EYS: variants seen among roughly 807,000 people sequenced by gnomAD.
EYS encodes protein eyes shut homolog.
A neutral mutation model predicts 282.1 loss-of-function variants in EYS; 250 were observed. The observed-to-expected ratio is 0.89, with a 90% CI of 0.80 to 0.98. The LOEUF is 0.98. Among genes scored for constraint, EYS ranks in the 50% least tolerant of loss-of-function variants. The pLI, the probability that EYS is intolerant of heterozygous loss-of-function variation, is 0.00. For synonymous variants in EYS, 1,355 were observed against 1,282.9 expected (o/e 1.06, Z -1.20); for missense variants, 4,016 against 3,709.0 (o/e 1.08, Z -2.15).
At chr6:64,746,275 A>G (rs1252465712) in intron 22 of EYS, among the ~76,000 whole-genome samples, 1 of 152,014 alleles carries the variant, frequency 6.6e-6, no homozygotes, top group Non-Finnish European at 1.5e-5. Flanking sequence ...ATTAATTAAT[A>G]CTATTGTCAA....
intron 13 of EYS, among the ~76,000 whole-genome samples, chr6:65,010,603 A>G (rs924312165): frequency 1.3e-5 from 2 of 152,190 alleles, no homozygotes; most frequent in African/African-American, 2.4e-5. Flanking sequence ...TAGAAAAAGG[A>G]CTTTGAAAAG....
chr6:63,944,352 C>G (rs1455767882), intron 35 of EYS, among the ~76,000 whole-genome samples: 1 of 152,122 alleles, frequency 6.6e-6, no homozygotes, highest in Non-Finnish European at 1.5e-5. Flanking sequence ...GTATCTCAAA[C>G]ATAGAGACTG....
At chr6:65,062,584 A>G (rs1036052963) in intron 12 of EYS, among the ~76,000 whole-genome samples, 1 of 151,986 alleles carries the variant, frequency 6.6e-6, no homozygotes, top group African/African-American at 2.4e-5. Flanking sequence ...CTTACCTTAT[A>G]TGATAAGGCC....
At chr6:64,429,923 C>A (rs1380162180) in intron 28 of EYS, among the ~76,000 whole-genome samples, 2 of 152,076 alleles carry the variant, frequency 1.3e-5, no homozygotes, top group Non-Finnish European at 2.9e-5. Context: ...TCATGTTTTT[C>A]TTGACACTGC....
intron 33 of EYS, among the ~76,000 whole-genome samples, chr6:64,025,241 C>T (rs893221930): frequency 3.3e-5 from 5 of 152,068 alleles, no homozygotes; most frequent in Admixed American, 6.5e-5. Context: ...GAGTTGGGAC[C>T]GTTGGTTTGC....
intron 35 of EYS, among the ~76,000 whole-genome samples, chr6:63,867,550 T>C (rs982460475): frequency 5.3e-5 from 8 of 152,202 alleles, no homozygotes; most frequent in Non-Finnish European, 1.0e-4. Context: ...GATGGATCCA[T>C]GTGCCAAGTG....
rs1052298696 is a variant in EYS, at chr6:64,657,222, T to G, written c.3444-30977A>C. ...CATTTGCTTGGTAGATCTTCCTCCA[T>G]CCCTTTATTTTGAGCCTATGTGTGT... On this transcript the variant is annotated intron_variant, in intron 22 of 42. Transcript: ENST00000503581. 9.2e-5 allele frequency among the ~76,000 whole-genome samples: 14 copies of G among 152,116 alleles called. 1 individual carries two copies. The highest frequency in any genetic ancestry group is 3.4e-4 in the African/African-American group (14 of 41,408).
intron 11 of EYS, among the ~76,000 whole-genome samples, chr6:65,325,329 A>G (rs1769589483): frequency 6.6e-6 from 1 of 152,104 alleles, no homozygotes; most frequent in Non-Finnish European, 1.5e-5. Flanking sequence ...TTTTAAATAA[A>G]TTTTTAAGCA....
chr6:64,738,142 C>A (rs1772245713), intron 22 of EYS, among the ~76,000 whole-genome samples: 1 of 152,136 alleles, frequency 6.6e-6, no homozygotes, highest in Admixed American at 6.5e-5. Context: ...TTTGTCCCCT[C>A]AAAACCTCAT....
At chr6:65,043,006 A>G (rs556516108) in intron 13 of EYS, among the ~76,000 whole-genome samples, 1 of 151,580 alleles carries the variant, frequency 6.6e-6, no homozygotes, top group African/African-American at 2.4e-5. Flanking sequence ...TGAAAATTCA[A>G]TTTCTGATTC....
chr6:63,811,542 C>T (rs547048766), intron 36 of EYS, among the ~76,000 whole-genome samples: 1 of 152,224 alleles, frequency 6.6e-6, no homozygotes, highest in African/African-American at 2.4e-5. Context: ...CTCCATCTAC[C>T]ATCATTCTGT....
chr6:64,566,523 C>T (rs16895493), intron 26 of EYS, among the ~76,000 whole-genome samples: 4,613 of 151,966 alleles, frequency 0.03, 151 homozygotes, highest in East Asian at 0.11. Context: ...GCACTTAATT[C>T]GCATTTCTTA....
chr6:63,832,329 TAAAG>T (rs1373924104), intron 36 of EYS, among the ~76,000 whole-genome samples: 1 of 151,540 alleles, frequency 6.6e-6, no homozygotes, highest in Non-Finnish European at 1.5e-5. Flanking sequence ...GCAAGACTAA[TAAAG>T]AAGAAAAGAG....
chr6:64,647,760 G>T lies in EYS; in HGVS notation c.3444-21515C>A, dbSNP rs865945249. 2.6e-5 allele frequency among the ~76,000 whole-genome samples: 4 copies of T among 152,066 alleles called. No individual in the cohort carries two copies. In the South Asian group the frequency reaches 6.2e-4, roughly 24 times the overall value. ...TTCAAACTTTTTTTCTTTACCAGAG[G>T]TTTTACTTCAAACGGCATTTGTTAT... On this transcript the variant is annotated intron_variant, in intron 22 of 42. Transcript: ENST00000503581.
rs181747242 is a variant in EYS, at chr6:65,392,383, C to A, written c.1185-7883G>T. ...AGAAACTACCATCAGAGTGAACAGG[C>A]AAGCAACAAAATGGGAGAAAATTTT... On this transcript the variant is annotated intron_variant, in intron 7 of 42. Transcript: ENST00000503581. 5.2e-3 allele frequency among the ~76,000 whole-genome samples: 787 copies of A among 152,148 alleles called. 10 individuals are homozygous for A. Among genetic ancestry groups the A allele is most frequent in the African/African-American group, 0.018 (748 of 41,514 alleles).
chr6:64,312,410 C>G (rs377147886), intron 29 of EYS, among the ~76,000 whole-genome samples: 11 of 152,132 alleles, frequency 7.2e-5, no homozygotes, highest in Middle Eastern at 3.2e-3. Context: ...TCCCCATCTC[C>G]CTGGGACAGA....
chr6:65,377,406 C>A (rs1014438705), intron 8 of EYS, among the ~76,000 whole-genome samples: 12 of 152,046 alleles, frequency 7.9e-5, no homozygotes, highest in Admixed American at 7.9e-4. Context: ...GCACCAGATG[C>A]CCACATCAGA....
intron 19 of EYS, among the ~76,000 whole-genome samples, chr6:64,873,242 T>G (rs1401440140): frequency 2.0e-5 from 3 of 152,138 alleles, no homozygotes; most frequent in African/African-American, 7.2e-5. Flanking sequence ...CTCCCATTTT[T>G]AAAACCATCA....
chr6:64,106,560 C>G (rs1325492119), intron 31 of EYS, among the ~76,000 whole-genome samples: 1 of 151,672 alleles, frequency 6.6e-6, no homozygotes, highest in Admixed American at 6.6e-5. Flanking sequence ...CCTCTGGCTT[C>G]TTTTAGAATT....
Sources: allele counts gnomAD v4.1 joint callset (sites outside exome capture counted in the v4.1 genomes callset), GRCh38; gene constraint gnomAD v4.1.1; transcripts MANE v1.5; gene names NCBI Gene and HGNC (gene_info 2026-07-23, HGNC 2026-07-21).